SLC25A21: variants seen among roughly 807,000 people sequenced by gnomAD.
SLC25A21 encodes mitochondrial 2-oxodicarboxylate carrier.
In SLC25A21, 47 loss-of-function variants were observed where a neutral mutation model predicts 43.8. That is an observed-to-expected ratio of 1.07 (90% CI 0.85 to 1.37). SLC25A21 has a LOEUF of 1.37. Among genes scored for constraint, SLC25A21 ranks in the 40% most tolerant of loss-of-function variants. The probability of loss-of-function intolerance (pLI) is 0.00; values close to 1 mark genes in which losing one functional copy is unlikely to be tolerated. For missense variants in SLC25A21, 352 were observed against 350.2 expected, an observed-to-expected ratio of 1.00 and a Z score of -0.04; for synonymous variants, 131 against 121.3, an observed-to-expected ratio of 1.08 and a Z score of -0.52.
chr14:37,037,437 C>T (rs1037464265), intron 1 of SLC25A21, among the ~76,000 whole-genome samples: 1 of 152,134 alleles, frequency 6.6e-6, no homozygotes, highest in African/African-American at 2.4e-5. Context: ...CCTGAATCCT[C>T]TACACGAGAA....
intron 7 of SLC25A21, among the ~76,000 whole-genome samples, chr14:36,698,116 C>CA (rs1391202423): frequency 6.6e-6 from 1 of 152,120 alleles, no homozygotes; most frequent in Non-Finnish European, 1.5e-5. Flanking sequence ...CTGGTGGTGA[C>CA]AAAATCTCTT....
At chr14:37,087,737 C>T (rs1962512281) in intron 1 of SLC25A21, among the ~76,000 whole-genome samples, 1 of 152,204 alleles carries the variant, frequency 6.6e-6, no homozygotes, top group African/African-American at 2.4e-5. Flanking sequence ...AAAGAGACAA[C>T]CATGAGTGAG....
chr14:36,726,288 C>A (rs1266409449), intron 5 of SLC25A21, among the ~76,000 whole-genome samples: 1 of 152,090 alleles, frequency 6.6e-6, no homozygotes, highest in Non-Finnish European at 1.5e-5. Context: ...AAGCTGAGAT[C>A]AGAAATGGCT....
Position 36,880,391 on chromosome 14 carries a change from G to A in SLC25A21, c.71-5387C>T, listed in dbSNP as rs535091056. ...ATTTCTATTTTCCTTAAACTACTGC[G>A]ATTTGGGTTTTCTTCCACATATGCT... On this transcript the variant is annotated intron_variant, in intron 1 of 9. Transcript: ENST00000331299. Among the ~76,000 whole-genome samples the A allele has an allele frequency of 1.5e-4, 23 of 152,248 alleles. 1 individual carries two copies. In the South Asian group the frequency reaches 4.8e-3, roughly 32 times the overall value.
At chr14:36,853,428 T>C (rs768849798) in intron 2 of SLC25A21, among the ~76,000 whole-genome samples, 6 of 152,230 alleles carry the variant, frequency 3.9e-5, no homozygotes, top group Non-Finnish European at 8.8e-5. Flanking sequence ...AGACACACTC[T>C]GCTTTTTTAA....
At chr14:36,942,485 A>C (rs1892587112) in intron 1 of SLC25A21, among the ~76,000 whole-genome samples, 1 of 152,134 alleles carries the variant, frequency 6.6e-6, no homozygotes, top group African/African-American at 2.4e-5. Context: ...TAATTATTTT[A>C]ATCTATGCTT....
At chr14:37,119,812 C>T (rs1963173958) in intron 1 of SLC25A21, among the ~76,000 whole-genome samples, 1 of 152,122 alleles carries the variant, frequency 6.6e-6, no homozygotes, top group Non-Finnish European at 1.5e-5. Context: ...AAATAGCTCA[C>T]AGAGAGGTAA....
At chr14:36,888,988 T>C (rs530310727) in intron 1 of SLC25A21, among the ~76,000 whole-genome samples, 1 of 152,364 alleles carries the variant, frequency 6.6e-6, no homozygotes, top group African/African-American at 2.4e-5. Context: ...GCTGCTACAA[T>C]ACTTGTCTTT....
At chr14:36,897,920 C>T (rs890364266) in intron 1 of SLC25A21, among the ~76,000 whole-genome samples, 1 of 152,144 alleles carries the variant, frequency 6.6e-6, no homozygotes, top group Non-Finnish European at 1.5e-5. Flanking sequence ...AGTACCTGGC[C>T]GTGTGAGGTG....
At chr14:36,839,918 T>A (rs1889329519) in intron 2 of SLC25A21, among the ~76,000 whole-genome samples, 1 of 152,216 alleles carries the variant, frequency 6.6e-6, no homozygotes, top group Non-Finnish European at 1.5e-5. Context: ...AGTAAAAATA[T>A]AGTATTATAA....
chr14:36,884,435 T>C (rs745655633), intron 1 of SLC25A21, among the ~76,000 whole-genome samples: 2 of 152,208 alleles, frequency 1.3e-5, no homozygotes, highest in Non-Finnish European at 2.9e-5. Context: ...ATGATTAACA[T>C]GGGAGTGCAG....
At chr14:36,726,352 G>C (rs1296848983) in intron 5 of SLC25A21, among the ~76,000 whole-genome samples, 1 of 152,070 alleles carries the variant, frequency 6.6e-6, no homozygotes, top group East Asian at 1.9e-4. Flanking sequence ...AGGATCACTT[G>C]AGCCTAAGAG....
At chr14:36,916,592 A>G (rs1250003750) in intron 1 of SLC25A21, among the ~76,000 whole-genome samples, 1 of 152,198 alleles carries the variant, frequency 6.6e-6, no homozygotes, top group Non-Finnish European at 1.5e-5. Flanking sequence ...TCATAACAGC[A>G]TAAATTGTTG....
chr14:36,799,840 G>C (rs1276685190), intron 3 of SLC25A21, among the ~76,000 whole-genome samples: 1 of 152,024 alleles, frequency 6.6e-6, no homozygotes, highest in African/African-American at 2.4e-5. Context: ...TCAGCACCTG[G>C]TAAGTTATTG....
rs1887182042 is a variant in SLC25A21, at chr14:36,784,526, T to C, written c.203+29392A>G. 2.0e-5 allele frequency among the ~76,000 whole-genome samples: 3 copies of C among 152,164 alleles called. No homozygotes were observed. In the South Asian group the frequency reaches 6.2e-4, roughly 32 times the overall value. ...GAGATTTAAGGCTAACAATAATCTC[T>C]CTCAGGGTTTGAGAGAGCTGGGCTA... On this transcript the variant is annotated intron_variant, in intron 3 of 9. Coordinates refer to ENST00000331299, the MANE Select transcript of SLC25A21 (RefSeq NM_030631.4).
intron 1 of SLC25A21, among the ~76,000 whole-genome samples, chr14:37,165,170 A>G (rs1347703409): frequency 6.6e-6 from 1 of 152,078 alleles, no homozygotes; most frequent in Admixed American, 6.5e-5. Flanking sequence ...TGAGGTCAGG[A>G]GTTTGAGACC....
chr14:36,887,078 TAGAG>T (rs1217891671), intron 1 of SLC25A21, among the ~76,000 whole-genome samples: 10 of 151,860 alleles, frequency 6.6e-5, no homozygotes, highest in East Asian at 1.9e-4. Context: ...GTGAAGAAAA[TAGAG>T]AGAAATAGAG....
chr14:37,062,301 G>A (rs1053205219), intron 1 of SLC25A21, among the ~76,000 whole-genome samples: 2 of 152,220 alleles, frequency 1.3e-5, no homozygotes, highest in Admixed American at 1.3e-4. Flanking sequence ...CTATTATAGG[G>A]TAAATGATGC....
chr14:36,692,305 T>C (rs1003106776), intron 7 of SLC25A21, among the ~76,000 whole-genome samples: 7 of 152,236 alleles, frequency 4.6e-5, no homozygotes, highest in African/African-American at 9.6e-5. Context: ...GCGGCTGTGA[T>C]GTCCCACAAC....
Sources: allele counts gnomAD v4.1 joint callset (sites outside exome capture counted in the v4.1 genomes callset), GRCh38; gene constraint gnomAD v4.1.1; transcripts MANE v1.5; gene names NCBI Gene and HGNC (gene_info 2026-07-23, HGNC 2026-07-21).